Variants in ASNS observed in about 807,000 individuals in gnomAD.
The protein encoded by ASNS is asparagine synthetase [glutamine-hydrolyzing].
Under a neutral mutation model 62.6 loss-of-function variants are expected in ASNS, and 37 were observed. The observed-to-expected ratio is 0.59, with a 90% CI of 0.45 to 0.78. The LOEUF (loss-of-function observed/expected upper bound fraction) is 0.78, where lower values mean the gene tolerates loss of function less well. ASNS is among the 30% of genes least tolerant of loss of function. The pLI is 0.00. For missense variants in ASNS, 520 were observed against 682.4 expected (o/e 0.76, Z 2.65); for synonymous variants, 207 against 237.9 (o/e 0.87, Z 1.19).
chr7:97,889,867 A>T, the ASNS span, among the ~76,000 whole-genome samples: 2 of 145,294 alleles, frequency 1.4e-5, no homozygotes, highest in East Asian at 4.4e-4. Flanking sequence ...CCTGAAAAAA[A>T]TTCAGAATAA....
chr7:97,904,319 G>C, the ASNS span, among the ~76,000 whole-genome samples: 46,980 of 120,640 alleles, frequency 0.39, 8,341 homozygotes, highest in South Asian at 0.48. Flanking sequence ...CACACACACA[G>C]AGAGAGAGAA....
the ASNS span, among the ~76,000 whole-genome samples, chr7:97,904,613 C>T: frequency 1.3e-5 from 2 of 152,032 alleles, no homozygotes; most frequent in African/African-American, 4.8e-5. Context: ...TGCACCTCTG[C>T]CCCCAGCCTC....
At chr7:97,887,242 C>T in the ASNS span, among the ~76,000 whole-genome samples, 151 of 152,322 alleles carry the variant, frequency 9.9e-4, no homozygotes, top group African/African-American at 3.4e-3. Flanking sequence ...TGCAGACCTG[C>T]AGGACATCGA....
Position 97,852,163 on chromosome 7 carries a change from G to A in ASNS, c.*96C>T. ...GGACTTTTATTTTTTTCACACCCAA[G>A]TTAGCCTGAGTTGACTCTCATTGTT... is the stretch of plus-strand genomic sequence containing the variant. On this transcript the variant is annotated 3_prime_UTR_variant, in exon 13 of 13. Transcript: ENST00000394308. The A allele has an allele frequency of 7.2e-7, 1 of 1,383,930 alleles. No homozygotes were observed. The highest frequency in any genetic ancestry group is 9.9e-7 in the Non-Finnish European group (1 of 1,005,576). 85.7% of individuals were successfully genotyped at this position (1,383,930 alleles called of 1,614,324 possible).
At chr7:97,918,356 C>A in the ASNS span, among the ~76,000 whole-genome samples, 4 of 152,156 alleles carry the variant, frequency 2.6e-5, no homozygotes, top group African/African-American at 7.2e-5. Flanking sequence ...AATGCAGGCA[C>A]AGAGCACCAA....
At chr7:97,889,726 A>G in the ASNS span, among the ~76,000 whole-genome samples, 1 of 151,408 alleles carries the variant, frequency 6.6e-6, no homozygotes, top group South Asian at 2.1e-4. Flanking sequence ...ATTGGAAGAA[A>G]TGACTGTTAT....
chr7:97,861,082 C>G (rs1351302524), intron 4 of ASNS, among the ~76,000 whole-genome samples: 2 of 131,946 alleles, frequency 1.5e-5, no homozygotes, highest in Non-Finnish European at 3.0e-5. Context: ...AGTGCAGTTG[C>G]GCGATCTCGG....
chr7:97,868,284 G>C (rs1986082), intron 3 of ASNS, among the ~76,000 whole-genome samples: 66,500 of 151,890 alleles, frequency 0.44, 14,672 homozygotes, highest in East Asian at 0.55. Context: ...CTCCAGCCTG[G>C]GTGACAGAAT....
upstream of ASNS, among the ~76,000 whole-genome samples, chr7:97,877,370 G>A (rs79788232): frequency 6.6e-6 from 1 of 152,166 alleles, no homozygotes; most frequent in Non-Finnish European, 1.5e-5. Flanking sequence ...TGGGATTACA[G>A]GCATGAGCCA....
chr7:97,921,636 G>T, the ASNS span, among the ~76,000 whole-genome samples: 2 of 152,208 alleles, frequency 1.3e-5, no homozygotes, highest in African/African-American at 4.8e-5. Flanking sequence ...GGGTCTCCCA[G>T]CAGCACCATC....
At chr7:97,910,134 G>T in the ASNS span, among the ~76,000 whole-genome samples, 1 of 152,160 alleles carries the variant, frequency 6.6e-6, no homozygotes. Context: ...CCAGCTCCCA[G>T]AGCCAGAGCC....
the ASNS span, among the ~76,000 whole-genome samples, chr7:97,883,611 A>G: frequency 6.6e-6 from 1 of 152,194 alleles, no homozygotes; most frequent in African/African-American, 2.4e-5. Context: ...CACTCTTCAC[A>G]GGGACCAAAG....
upstream of ASNS, chr7:97,872,504 A>AGGGGCGGGGCCGCGGGGTGTCC (rs1454977657): frequency 6.6e-6 from 1 of 152,434 alleles, no homozygotes; most frequent in Non-Finnish European, 1.5e-5. Flanking sequence ...CAGCGCGCAC[A>AGGGGCGGGGCCGCGGGGTGTCC]GGGGCGGGGC....
the ASNS span, among the ~76,000 whole-genome samples, chr7:97,919,071 A>AT: frequency 9.5e-4 from 142 of 149,916 alleles, no homozygotes; most frequent in Non-Finnish European, 1.3e-3. Flanking sequence ...CTACATAAAT[A>AT]TTTTTTTTTT....
the ASNS span, among the ~76,000 whole-genome samples, chr7:97,901,945 T>C: frequency 6.6e-6 from 1 of 152,120 alleles, no homozygotes; most frequent in South Asian, 2.1e-4. Context: ...GCCACTGTAC[T>C]CTAGCCTGGG....
At chr7:97,902,703 A>G in the ASNS span, among the ~76,000 whole-genome samples, 1 of 152,148 alleles carries the variant, frequency 6.6e-6, no homozygotes, top group Non-Finnish European at 1.5e-5. Flanking sequence ...CCTGGGTGAC[A>G]GAGAAAGATC....
In ASNS at chr7:97,869,823, A is replaced by G. The variant is rs1792166710; in HGVS notation, c.-59-10T>C. ...TGTGATTGAAGAAAATCTAAAGGGA[A>G]AAAAAAAACAATTTAATTTGATATC... On this transcript the variant is annotated splice_polypyrimidine_tract_variant and intron_variant, in intron 1 of 12. Transcript: ENST00000394308. 2.5e-5 allele frequency: 1 copy of G among 39,744 alleles called. No individual in the cohort carries two copies. Among genetic ancestry groups the G allele is most frequent in the South Asian group, 1.0e-3 (1 of 1,002 alleles). 2.5% of individuals were successfully genotyped at this position (39,744 alleles called of 1,614,324 possible). A position where few individuals can be genotyped will look rare whatever the true frequency, so the allele number is the denominator to read the frequency against.
At chr7:97,920,444 C>G in the ASNS span, among the ~76,000 whole-genome samples, 1 of 152,212 alleles carries the variant, frequency 6.6e-6, no homozygotes, top group Non-Finnish European at 1.5e-5. Context: ...GGCTCTGATC[C>G]TCAGCTGGTG....
chr7:97,923,181 A>G, the ASNS span, among the ~76,000 whole-genome samples: 3 of 151,688 alleles, frequency 2.0e-5, no homozygotes, highest in African/African-American at 7.3e-5. Flanking sequence ...TGGTCAAAAT[A>G]GTCTCCTTAC....
Sources: gnomAD v4.1 joint callset for allele counts (sites outside exome capture counted in the v4.1 genomes callset) on GRCh38, gnomAD v4.1.1 for gene constraint, MANE v1.5 for transcripts, NCBI Gene and HGNC (gene_info 2026-07-23, HGNC 2026-07-21) for gene names.